KHDRBS2: variants seen among roughly 807,000 people sequenced by gnomAD.
The protein encoded by KHDRBS2 is KH RNA binding domain containing, signal transduction associated 2, also known as KH domain-containing, RNA-binding, signal transduction-associated protein 2.
A neutral mutation model predicts 44.3 loss-of-function variants in KHDRBS2; 26 were observed. The ratio of observed to expected loss-of-function variants is 0.59; its 90% CI spans 0.43 to 0.81. The LOEUF (loss-of-function observed/expected upper bound fraction) is 0.81, where lower values mean the gene tolerates loss of function less well. Ranked by LOEUF, KHDRBS2 falls within the 40% of genes least tolerant of loss-of-function variation. The pLI is 0.00. For synonymous variants in KHDRBS2, 194 were observed against 151.1 expected, an observed-to-expected ratio of 1.28 and a Z score of -2.08; for missense variants, 476 against 433.1, an observed-to-expected ratio of 1.10 and a Z score of -0.88.
intron 6 of KHDRBS2, among the ~76,000 whole-genome samples, chr6:61,848,532 C>CGT (rs1338480666): frequency 0.03 from 856 of 28,144 alleles, 84 homozygotes; most frequent in East Asian, 0.22. Flanking sequence ...TATATATATA[C>CGT]ATATATATGT....
At chr6:61,567,527 G>C in the KHDRBS2 span, among the ~76,000 whole-genome samples, 1 of 152,166 alleles carries the variant, frequency 6.6e-6, no homozygotes. Flanking sequence ...TGTGGTCTTA[G>C]CTACTCTGGA....
chr6:62,202,477 A>G (rs1827193400), intron 1 of KHDRBS2, among the ~76,000 whole-genome samples: 1 of 152,018 alleles, frequency 6.6e-6, no homozygotes, highest in Non-Finnish European at 1.5e-5. Flanking sequence ...ATTATGCTGT[A>G]TAATACAGAA....
At position 62,037,459 on chromosome 6, in the gene KHDRBS2, T is replaced by A. The variant is rs569834650; in HGVS notation, c.336+10419A>T. Among the ~76,000 whole-genome samples, 13 of 151,766 alleles carry A rather than the reference T, an allele frequency of 8.6e-5. No homozygotes were observed. The East Asian group carries it at 2.3e-3, about 27-fold the overall frequency. On this transcript the variant is annotated intron_variant, in intron 3 of 8. Coordinates refer to ENST00000281156, the MANE Select transcript of KHDRBS2 (RefSeq NM_152688.4). ...ATTCTGATAATTATTTAGCTTAAAA[T>A]TTTTAGGCGAAAAAAAAAGAAAATG...
intron 2 of KHDRBS2, among the ~76,000 whole-genome samples, chr6:62,102,127 A>G (rs2127374324): frequency 6.6e-6 from 1 of 152,350 alleles, no homozygotes; most frequent in African/African-American, 2.4e-5. Flanking sequence ...ATAATAATGA[A>G]CTATATTCTA....
intron 2 of KHDRBS2, among the ~76,000 whole-genome samples, chr6:62,173,204 A>T (rs1470814042): frequency 6.6e-6 from 1 of 151,924 alleles, no homozygotes; most frequent in Non-Finnish European, 1.5e-5. Context: ...AAGAAAAAAA[A>T]AAAAGAGATG....
intron 1 of KHDRBS2, among the ~76,000 whole-genome samples, chr6:62,202,030 A>G (rs1470121623): frequency 3.3e-5 from 5 of 152,102 alleles, no homozygotes; most frequent in African/African-American, 1.2e-4. Context: ...ATAAATATTC[A>G]TTTTTTAAAA....
At chr6:61,938,169 TCTG>T (rs1811397254) in intron 4 of KHDRBS2, among the ~76,000 whole-genome samples, 1 of 152,140 alleles carries the variant, frequency 6.6e-6, no homozygotes, top group Non-Finnish European at 1.5e-5. Context: ...GGGTTTACAA[TCTG>T]TTGGTGGTCT....
chr6:62,135,880 A>C (rs1811412455), intron 2 of KHDRBS2, among the ~76,000 whole-genome samples: 1 of 152,150 alleles, frequency 6.6e-6, no homozygotes, highest in African/African-American at 2.4e-5. Flanking sequence ...AAGGACTGTA[A>C]GAAACAGAGT....
chr6:62,065,171 T>C (rs1793268856), intron 2 of KHDRBS2, among the ~76,000 whole-genome samples: 1 of 151,830 alleles, frequency 6.6e-6, no homozygotes, highest in African/African-American at 2.4e-5. Flanking sequence ...AGGAACACTT[T>C]TACACTGTTG....
chr6:61,966,068 CA>C (rs1298930426), intron 4 of KHDRBS2, among the ~76,000 whole-genome samples: 1 of 151,888 alleles, frequency 6.6e-6, no homozygotes, highest in Non-Finnish European at 1.5e-5. Flanking sequence ...TGATTGATAT[CA>C]GGGGAAAATA....
intron 3 of KHDRBS2, among the ~76,000 whole-genome samples, chr6:62,009,327 T>C (rs747191829): frequency 3.3e-4 from 50 of 152,302 alleles, no homozygotes; most frequent in Non-Finnish European, 5.0e-4. Flanking sequence ...GGAAGAAATT[T>C]CTAATCAGCA....
At chr6:62,107,632 C>A (rs766483896) in intron 2 of KHDRBS2, among the ~76,000 whole-genome samples, 1 of 152,120 alleles carries the variant, frequency 6.6e-6, no homozygotes, top group African/African-American at 2.4e-5. Context: ...GCCCGCATCG[C>A]CAAGTCAATC....
chr6:61,985,345 T>A (rs1171265636), intron 3 of KHDRBS2, among the ~76,000 whole-genome samples: 4 of 152,170 alleles, frequency 2.6e-5, no homozygotes, highest in Non-Finnish European at 5.9e-5. Context: ...AACTCAAATT[T>A]CAATATTTCA....
At chr6:61,852,375 C>T (rs1795561530) in intron 6 of KHDRBS2, among the ~76,000 whole-genome samples, 1 of 151,850 alleles carries the variant, frequency 6.6e-6, no homozygotes, top group Admixed American at 6.6e-5. Context: ...ACAATCCTGG[C>T]CAACATGGTG....
At chr6:61,837,075 T>C (rs1792809018) in intron 6 of KHDRBS2, among the ~76,000 whole-genome samples, 1 of 151,910 alleles carries the variant, frequency 6.6e-6, no homozygotes, top group South Asian at 2.1e-4. Flanking sequence ...AAGGAAACTA[T>C]GGAAACCTTA....
At chr6:61,702,452 G>A (rs1186909838) in intron 7 of KHDRBS2, among the ~76,000 whole-genome samples, 1 of 151,940 alleles carries the variant, frequency 6.6e-6, no homozygotes, top group Non-Finnish European at 1.5e-5. Flanking sequence ...ACTGAATTGT[G>A]AGACATCCTT....
chr6:62,236,641 T>G (rs901443163), intron 1 of KHDRBS2, among the ~76,000 whole-genome samples: 5 of 152,084 alleles, frequency 3.3e-5, no homozygotes, highest in African/African-American at 1.2e-4. Flanking sequence ...TGCCTCAGTT[T>G]CTTCGTCAAT....
chr6:62,053,849 TAGTA>T (rs1349969169), intron 2 of KHDRBS2, among the ~76,000 whole-genome samples: 2 of 152,136 alleles, frequency 1.3e-5, no homozygotes, highest in African/African-American at 4.8e-5. Context: ...ATATTAGAAT[TAGTA>T]AGAGAGCTTA....
Position 61,869,999 on chromosome 6 carries a change from A to C in KHDRBS2, c.810+24636T>G, listed in dbSNP as rs1175615556. On this transcript the variant is annotated intron_variant, in intron 6 of 8. Coordinates refer to ENST00000281156, the MANE Select transcript of KHDRBS2 (RefSeq NM_152688.4). Reference sequence around the variant, plus strand: ...TTTTTTTTTTTTTTCCCCATACTACAGTGGTGCCTGGAATGCCAGTGAGAC... The same window carrying C: ...TTTTTTTTTTTTTTCCCCATACTACCGTGGTGCCTGGAATGCCAGTGAGAC... Among the ~76,000 whole-genome samples the C allele has an allele frequency of 1.7e-4, 18 of 105,528 alleles. No individual in the cohort carries two copies. The Admixed American group carries it at 1.8e-3, about 10-fold the overall frequency. 69.2% of individuals were successfully genotyped at this position (105,528 alleles called of 152,430 possible).
Sources: gnomAD v4.1 joint callset for allele counts (sites outside exome capture counted in the v4.1 genomes callset) on GRCh38, gnomAD v4.1.1 for gene constraint, MANE v1.5 for transcripts, NCBI Gene and HGNC (gene_info 2026-07-23, HGNC 2026-07-21) for gene names.